Variants in IGF1R observed in about 807,000 individuals in gnomAD.
IGF1R encodes the protein insulin like growth factor 1 receptor.
IGF1R carries 44 observed loss-of-function variants against 144.6 expected under a neutral mutation model. That is an observed-to-expected ratio of 0.30 (90% CI 0.24 to 0.39). IGF1R has a LOEUF of 0.39. IGF1R is among the 10% of genes least tolerant of loss of function. The pLI is 1.00. For missense variants in IGF1R, 1,355 were observed against 1,833.7 expected (o/e 0.74, Z 4.77); for synonymous variants, 795 against 722.8 (o/e 1.10, Z -1.60).
chr15:98,950,961 G>A (rs1020474473), intron 20 of IGF1R, among the ~76,000 whole-genome samples: 4 of 152,220 alleles, frequency 2.6e-5, no homozygotes, highest in African/African-American at 7.2e-5. Context: ...GTAAATGGCC[G>A]GCCAGCGGAG....
chr15:98,850,162 A>T (rs1211254747), intron 2 of IGF1R, among the ~76,000 whole-genome samples: 1 of 152,238 alleles, frequency 6.6e-6, no homozygotes, highest in Non-Finnish European at 1.5e-5. Flanking sequence ...AGTTAGGGTG[A>T]TAGCTCCCAA....
intron 1 of IGF1R, among the ~76,000 whole-genome samples, chr15:98,673,271 G>T (rs1185922745): frequency 1.3e-5 from 2 of 152,116 alleles, no homozygotes; most frequent in Non-Finnish European, 2.9e-5. Flanking sequence ...TACACTATTT[G>T]GTTAATTGAT....
chr15:98,854,239 A>G (rs2011666936), intron 2 of IGF1R, among the ~76,000 whole-genome samples: 1 of 152,182 alleles, frequency 6.6e-6, no homozygotes. Flanking sequence ...GATTGAAGGC[A>G]GAAAGACACT....
chr15:98,903,736 A>G (rs2014592662), intron 5 of IGF1R, among the ~76,000 whole-genome samples: 1 of 152,246 alleles, frequency 6.6e-6, no homozygotes, highest in Admixed American at 6.5e-5. Context: ...ACAACTGACT[A>G]CTCAACAATA....
chr15:98,809,776 G>A (rs1382234861), intron 2 of IGF1R, among the ~76,000 whole-genome samples: 1 of 152,144 alleles, frequency 6.6e-6, no homozygotes, highest in African/African-American at 2.4e-5. Flanking sequence ...TGCCTGCAGG[G>A]GACACAGCTG....
intron 2 of IGF1R, among the ~76,000 whole-genome samples, chr15:98,824,454 T>C (rs1483687845): frequency 6.6e-6 from 1 of 152,228 alleles, no homozygotes; most frequent in African/African-American, 2.4e-5. Context: ...CTTATCTAAA[T>C]AACTCGTTTA....
rs536145801 is a variant in IGF1R, at chr15:98,661,907, G to A, written c.94+12232G>A. ...TGGTGGGCTCTCTCTGGGGCCTCCA[G>A]TCCTCCTTCCCCACAACACTGGGGA... On this transcript the variant is annotated intron_variant, in intron 1 of 20. Transcript: ENST00000650285. Among the ~76,000 whole-genome samples, 3 of 149,856 alleles carry A rather than the reference G, an allele frequency of 2.0e-5. No homozygotes were observed. The South Asian group carries it at 6.4e-4, about 32-fold the overall frequency.
intron 2 of IGF1R, among the ~76,000 whole-genome samples, chr15:98,837,453 T>A (rs1400612828): frequency 6.6e-6 from 1 of 152,034 alleles, no homozygotes; most frequent in Non-Finnish European, 1.5e-5. Flanking sequence ...GTTGGCCAGG[T>A]TGGTCTTGAT....
chr15:98,773,305 G>A (rs1467238562), intron 2 of IGF1R, among the ~76,000 whole-genome samples: 4 of 152,272 alleles, frequency 2.6e-5, no homozygotes, highest in African/African-American at 9.6e-5. Context: ...TATGGCTGCT[G>A]TTGGCCTCAA....
rs1247015221 is a variant in IGF1R, at chr15:98,911,452, G to C, written c.1589+11G>C. ...TTACTACAAGGAAGCGTGAGTTTCTGCTTTGGGTGATGCCATTCTGTTGAC... is the reference window on the plus strand; with the variant it reads ...TTACTACAAGGAAGCGTGAGTTTCTCCTTTGGGTGATGCCATTCTGTTGAC... On this transcript the variant is annotated intron_variant, in intron 7 of 20. Coordinates refer to ENST00000650285, the MANE Select transcript of IGF1R (RefSeq NM_000875.5). 1 of 1,614,166 alleles carries C rather than the reference G, an allele frequency of 6.2e-7. No individual in the cohort carries two copies. Among genetic ancestry groups the C allele is most frequent in the East Asian group, 2.2e-5 (1 of 44,884 alleles).
chr15:98,721,221 T>TTAA (rs796267205), intron 2 of IGF1R, among the ~76,000 whole-genome samples: 70 of 152,362 alleles, frequency 4.6e-4, no homozygotes, highest in African/African-American at 1.6e-3. Context: ...AGGTTGCTTT[T>TTAA]GTGCTCATCC....
intron 2 of IGF1R, among the ~76,000 whole-genome samples, chr15:98,888,438 A>AGAGAGAGAGAGAGTGTGT (rs1555457179): frequency 7.0e-6 from 1 of 143,354 alleles, no homozygotes; most frequent in African/African-American, 2.6e-5. Context: ...AGAGAGAGAG[A>AGAGAGAGAGAGAGTGTGT]GTGTGTGTGT....
In IGF1R at chr15:98,704,426, G is replaced by T. The variant is rs1325482953; in HGVS notation, c.95-3136G>T. Among the ~76,000 whole-genome samples the T allele has an allele frequency of 6.6e-6, 1 of 152,160 alleles. No homozygotes were observed. Among genetic ancestry groups the T allele is most frequent in the Non-Finnish European group, 1.5e-5 (1 of 68,034 alleles). The stretch of plus-strand genomic sequence containing the variant: ...GGGTATCACAGAGGAGGAGCTCGGT[G>T]TGTTGGAGGTTGGTGAGTCCCGTGG... On this transcript the variant is annotated intron_variant, in intron 1 of 20. Coordinates refer to ENST00000650285, the MANE Select transcript of IGF1R (RefSeq NM_000875.5). The surrounding 1 kb of genome is among the most constrained non-coding windows in gnomAD (Gnocchi z 4.9).
intron 2 of IGF1R, among the ~76,000 whole-genome samples, chr15:98,780,655 A>G (rs1028190892): frequency 6.6e-6 from 1 of 151,252 alleles, no homozygotes; most frequent in African/African-American, 2.4e-5. Context: ...GAAAAGTTTT[A>G]TAGTTTCCTA....
chr15:98,840,354 C>A (rs2011152506), intron 2 of IGF1R, among the ~76,000 whole-genome samples: 1 of 152,210 alleles, frequency 6.6e-6, no homozygotes, highest in Non-Finnish European at 1.5e-5. Context: ...TGTCCTGTTT[C>A]TTCTGTTATC....
chr15:98,826,024 G>A (rs1431407129), intron 2 of IGF1R, among the ~76,000 whole-genome samples: 1 of 152,222 alleles, frequency 6.6e-6, no homozygotes, highest in African/African-American at 2.4e-5. Flanking sequence ...CAGGAAAGTT[G>A]TGGGGATGAA....
chr15:98,859,985 G>T (rs918442248), intron 2 of IGF1R, among the ~76,000 whole-genome samples: 1 of 151,946 alleles, frequency 6.6e-6, no homozygotes, highest in African/African-American at 2.4e-5. Flanking sequence ...ACGCGATCTC[G>T]GCTCACTGCA....
chr15:98,908,416 T>C (rs1236294975), intron 5 of IGF1R, among the ~76,000 whole-genome samples: 1 of 152,232 alleles, frequency 6.6e-6, no homozygotes, highest in Non-Finnish European at 1.5e-5. Context: ...AGTAACATCC[T>C]CTGGTACAAG....
chr15:98,795,476 A>G (rs913729665), intron 2 of IGF1R, among the ~76,000 whole-genome samples: 3 of 152,008 alleles, frequency 2.0e-5, no homozygotes, highest in African/African-American at 4.8e-5. Flanking sequence ...GTGCAGTGGC[A>G]TGATCTCGGC....
Sources: gnomAD v4.1 joint callset for allele counts (sites outside exome capture counted in the v4.1 genomes callset) on GRCh38, gnomAD v4.1.1 for gene constraint, Gnocchi (gnomAD v3.1) non-coding constraint, MANE v1.5 for transcripts, NCBI Gene and HGNC (gene_info 2026-07-23, HGNC 2026-07-21) for gene names.